EGFR: variants seen among roughly 807,000 people sequenced by gnomAD.
EGFR encodes the protein epidermal growth factor receptor, also known as avian erythroblastic leukemia viral (v-erb-b) oncogene homolog.
Under a neutral mutation model 143.0 loss-of-function variants are expected in EGFR, and 58 were observed. That is an observed-to-expected ratio of 0.41 (90% CI 0.33 to 0.50). The LOEUF (loss-of-function observed/expected upper bound fraction) is 0.50, where lower values mean the gene tolerates loss of function less well. Among genes scored for constraint, EGFR ranks in the 20% least tolerant of loss-of-function variants. The pLI, the probability that EGFR is intolerant of heterozygous loss-of-function variation, is 0.39. For missense variants in EGFR, 1,307 were observed against 1,579.0 expected (o/e 0.83, Z 2.92); for synonymous variants, 613 against 594.4 (o/e 1.03, Z -0.45).
At chr7:55,086,869 C>A (rs183801378) in intron 1 of EGFR, among the ~76,000 whole-genome samples, 1 of 152,290 alleles carries the variant, frequency 6.6e-6, no homozygotes, top group East Asian at 1.9e-4. Flanking sequence ...TTTTTCTCCA[C>A]CCCCTCGTGC....
chr7:55,107,500 C>T (rs1004412670), intron 1 of EGFR, among the ~76,000 whole-genome samples: 1 of 152,288 alleles, frequency 6.6e-6, no homozygotes, highest in Non-Finnish European at 1.5e-5. Flanking sequence ...ATGTGAAATA[C>T]TGGCAGTATA....
At chr7:55,083,947 T>C (rs1473638442) in intron 1 of EGFR, among the ~76,000 whole-genome samples, 7 of 152,296 alleles carry the variant, frequency 4.6e-5, no homozygotes, top group Non-Finnish European at 7.4e-5. Flanking sequence ...ATTGGGATCC[T>C]AAAATACAGA....
At chr7:55,053,970 T>C (rs143993044) in intron 1 of EGFR, among the ~76,000 whole-genome samples, 16 of 152,334 alleles carry the variant, frequency 1.1e-4, no homozygotes, top group African/African-American at 3.6e-4. Context: ...AGAGTTTTCA[T>C]TTTCCCCAAT....
intron 1 of EGFR, among the ~76,000 whole-genome samples, chr7:55,056,156 CTT>C (rs755896978): frequency 4.6e-5 from 7 of 152,100 alleles, no homozygotes; most frequent in Non-Finnish European, 8.8e-5. Context: ...TGAAAGGCCT[CTT>C]ATGATTCTGC....
intron 15 of EGFR, chr7:55,170,839 C>G: frequency 1.4e-6 from 2 of 1,413,314 alleles, no homozygotes; most frequent in Non-Finnish European, 1.8e-6. Context: ...GTTCCTTCTG[C>G]CCCTCTGTTT....
intron 1 of EGFR, among the ~76,000 whole-genome samples, chr7:55,080,021 A>T (rs865830307): frequency 3.3e-5 from 5 of 152,050 alleles, no homozygotes; most frequent in Non-Finnish European, 5.9e-5. Context: ...TATATTTTTA[A>T]TTTTTTTATT....
Position 55,203,429 on chromosome 7 carries a change from G to C in EGFR, c.3271+804G>C, listed in dbSNP as rs111211492. ...ACACGTACACACAACACACAACACA[G>C]ACACGTACACACACTACAGACATGT... On this transcript the variant is annotated intron_variant, in intron 27 of 27. Transcript: ENST00000275493. Among the ~76,000 whole-genome samples the C allele has an allele frequency of 9.7e-3, 1,439 of 148,858 alleles. 26 individuals carry two copies. The highest frequency in any genetic ancestry group is 0.034 in the African/African-American group (1,387 of 40,246).
chr7:55,117,475 C>T (rs1451725648), intron 1 of EGFR, among the ~76,000 whole-genome samples: 5 of 152,188 alleles, frequency 3.3e-5, no homozygotes, highest in Admixed American at 6.5e-5. Flanking sequence ...CAAAGAGGAA[C>T]GGCTCTTGGC....
chr7:55,063,235 C>G (rs1264178658), intron 1 of EGFR, among the ~76,000 whole-genome samples: 1 of 152,220 alleles, frequency 6.6e-6, no homozygotes, highest in African/African-American at 2.4e-5. Flanking sequence ...TTCACCTCCT[C>G]TCACATCTTT....
intron 1 of EGFR, among the ~76,000 whole-genome samples, chr7:55,108,452 T>G (rs1216507759): frequency 6.6e-6 from 1 of 152,250 alleles, no homozygotes; most frequent in Admixed American, 6.5e-5. Flanking sequence ...TCACACATTT[T>G]TAGGTACTTG....
At chr7:55,159,538 C>T (rs185540714) in intron 11 of EGFR, among the ~76,000 whole-genome samples, 120 of 152,310 alleles carry the variant, frequency 7.9e-4, no homozygotes, top group African/African-American at 2.8e-3. Context: ...GAAGGCCCCA[C>T]TTCCCAGGCA....
chr7:55,107,467 G>A (rs531009131), intron 1 of EGFR, among the ~76,000 whole-genome samples: 96 of 152,248 alleles, frequency 6.3e-4, no homozygotes, highest in Non-Finnish European at 1.1e-3. Flanking sequence ...TATTATTTCA[G>A]ATGTTCACGT....
rs187147292 is a variant in EGFR, at chr7:55,058,323, G to A, written c.88+38958G>A. ...GCAGGAAAATTGCTTGAACGCGGGA[G>A]GCGGAGTTTGCAGTGAACAGAGATG... On this transcript the variant is annotated intron_variant, in intron 1 of 27. Coordinates refer to ENST00000275493, the MANE Select transcript of EGFR (RefSeq NM_005228.5). Among the ~76,000 whole-genome samples, 52 of 152,260 alleles carry A rather than the reference G, an allele frequency of 3.4e-4. No individual in the cohort carries two copies. In the East Asian group the frequency reaches 8.9e-3, roughly 26 times the overall value.
intron 1 of EGFR, among the ~76,000 whole-genome samples, chr7:55,112,558 G>T (rs992624664): frequency 6.6e-6 from 1 of 152,232 alleles, no homozygotes; most frequent in Non-Finnish European, 1.5e-5. Flanking sequence ...TGTGGCCCGA[G>T]GGCCATGGCT....
At chr7:55,088,456 C>T (rs960160052) in intron 1 of EGFR, among the ~76,000 whole-genome samples, 6 of 152,170 alleles carry the variant, frequency 3.9e-5, no homozygotes, top group African/African-American at 1.4e-4. Context: ...TTGGTAAAGC[C>T]CTGGTCACAC....
At chr7:55,109,888 G>A in intron 1 of EGFR, 1 of 985,620 alleles carries the variant, frequency 1.0e-6, no homozygotes, top group Non-Finnish European at 1.2e-6. Context: ...CTGCTGGCTG[G>A]TTGTGCATTT....
At chr7:55,149,750 C>G (rs2128931443) in intron 4 of EGFR, among the ~76,000 whole-genome samples, 1 of 152,046 alleles carries the variant, frequency 6.6e-6, no homozygotes, top group East Asian at 1.9e-4. Context: ...TCCTTGCAGC[C>G]TTATTTATAA....
chr7:55,190,040 G>T (rs917041965), intron 20 of EGFR, among the ~76,000 whole-genome samples: 2 of 152,206 alleles, frequency 1.3e-5, no homozygotes, highest in African/African-American at 4.8e-5. Context: ...GGGGCAGGGA[G>T]CTTGCCTCTG....
Position 55,155,837 on chromosome 7 carries a change from T to A in EGFR, c.897T>A (p.Tyr299Ter). 1 of 1,613,974 alleles carries A rather than the reference T, an allele frequency of 6.2e-7. No individual in the cohort carries two copies. The change falls in exon 8 of 28, where the codon TAT becomes TAA. Residue 299 changes from tyrosine to a stop codon, truncating the protein, a stop_gained. Transcript: ENST00000275493. LOFTEE classifies it high-confidence loss of function. Reference protein sequence around the residue: ...ATCVKKCPRNYVVTDHGSCVR... With the variant: ...ATCVKKCPRN The stretch of plus-strand genomic sequence containing the variant: ...TCATGCTCTCTTCCCCAGGTAATTA[T>A]GTGGTGACAGATCACGGCTCGTGCG...
Sources: allele counts gnomAD v4.1 joint callset (sites outside exome capture counted in the v4.1 genomes callset), GRCh38; gene constraint gnomAD v4.1.1; transcripts MANE v1.5; gene names NCBI Gene and HGNC (gene_info 2026-07-23, HGNC 2026-07-21).